Variants in CCDC62 observed in about 807,000 individuals in gnomAD.
CCDC62 encodes the protein coiled-coil domain-containing protein 62.
In CCDC62, 72 loss-of-function variants were observed where a neutral mutation model predicts 80.8. That is an observed-to-expected ratio of 0.89 (90% CI 0.74 to 1.08). The LOEUF is 1.08. Ranked by LOEUF, CCDC62 falls within the 50% of genes least tolerant of loss-of-function variation. The pLI is 0.00. For missense variants in CCDC62, 704 were observed against 809.4 expected, an observed-to-expected ratio of 0.87 and a Z score of 1.58; for synonymous variants, 286 against 296.5, an observed-to-expected ratio of 0.96 and a Z score of 0.36.
At chr12:122,812,750 AGG>A (rs2031957968) in intron 10 of CCDC62, among the ~76,000 whole-genome samples, 3 of 67,226 alleles carry the variant, frequency 4.5e-5, no homozygotes, top group Non-Finnish European at 8.4e-5. Flanking sequence ...AGAGAGAGAG[AGG>A]GAGGGAGAGA....
chr12:122,782,517 G>A (rs2029927634), intron 3 of CCDC62, among the ~76,000 whole-genome samples: 1 of 152,114 alleles, frequency 6.6e-6, no homozygotes, highest in Admixed American at 6.5e-5. Flanking sequence ...GAAGTGCAAT[G>A]GCACGATCTC....
At chr12:122,823,936 A>G (rs1593843580) in intron 12 of CCDC62, among the ~76,000 whole-genome samples, 1 of 152,124 alleles carries the variant, frequency 6.6e-6, no homozygotes, top group East Asian at 1.9e-4. Context: ...CAGTGAGCCA[A>G]GATGGCACCA....
intron 10 of CCDC62, among the ~76,000 whole-genome samples, chr12:122,810,995 G>A (rs1287569427): frequency 6.8e-6 from 1 of 146,122 alleles, no homozygotes; most frequent in Non-Finnish European, 1.5e-5. Flanking sequence ...ACAGGAAGGG[G>A]GACATCACAC....
Position 122,791,731 on chromosome 12 carries a change from G to A in CCDC62, c.671-289G>A, listed in dbSNP as rs112572599. On this transcript the variant is annotated intron_variant, in intron 5 of 12. Transcript: ENST00000253079. ...CCCAAAGTGCTGGGATTATAGGCGT[G>A]AGCCACTGCGCTGGGCAGATTTTGA... 1.6e-3 allele frequency among the ~76,000 whole-genome samples: 249 copies of A among 152,372 alleles called. 1 individual carries two copies. Among genetic ancestry groups the A allele is most frequent in the African/African-American group, 5.8e-3 (241 of 41,586 alleles).
At chr12:122,810,733 T>C (rs2031832705) in intron 10 of CCDC62, among the ~76,000 whole-genome samples, 1 of 152,142 alleles carries the variant, frequency 6.6e-6, no homozygotes, top group South Asian at 2.1e-4. Flanking sequence ...ATGTTTATTG[T>C]GGCACTATTC....
chr12:122,775,703 C>T (rs1024753168), intron 1 of CCDC62, among the ~76,000 whole-genome samples: 1 of 152,212 alleles, frequency 6.6e-6, no homozygotes, highest in Non-Finnish European at 1.5e-5. Flanking sequence ...GCCTCTGCTT[C>T]CCGAGTTCAA....
At chr12:122,799,254 G>A (rs1202365538) in intron 8 of CCDC62, among the ~76,000 whole-genome samples, 2 of 152,210 alleles carry the variant, frequency 1.3e-5, no homozygotes, top group East Asian at 3.9e-4. Context: ...TTGTGTAGAA[G>A]GCTTTGAGCT....
At chr12:122,778,298 G>A (rs1288214574) in intron 2 of CCDC62, among the ~76,000 whole-genome samples, 1 of 150,398 alleles carries the variant, frequency 6.6e-6, no homozygotes, top group African/African-American at 2.5e-5. Context: ...AGGTTGCAGT[G>A]AGCCAAGATT....
In CCDC62 at chr12:122,801,402, T is replaced by C; in HGVS notation, c.1256T>C (p.Ile419Thr). 6.2e-7 allele frequency: 1 copy of C among 1,614,116 alleles called. No homozygotes were observed. The highest frequency in any genetic ancestry group is 1.3e-5 in the African/African-American group (1 of 75,014). ...TGGTCTCTGGGAGGAAAAACCCAGA[T>C]TGAACCCGAAAACAAAATTACATTG... ...LPWSLGGKTQ[I>T]EPENKITLCK... Residue 419 changes from isoleucine to threonine, a missense_variant, in exon 9 of 13, where the codon ATT (isoleucine) becomes ACT (threonine). Coordinates refer to ENST00000253079, the MANE Select transcript of CCDC62 (RefSeq NM_201435.5).
intron 8 of CCDC62, among the ~76,000 whole-genome samples, chr12:122,800,332 G>C (rs1031831407): frequency 7.2e-5 from 11 of 151,816 alleles, no homozygotes; most frequent in Admixed American, 5.3e-4. Flanking sequence ...TGTAATTGCA[G>C]TGCTTTCGGA....
chr12:122,815,232 C>A (rs1369647578), intron 11 of CCDC62, among the ~76,000 whole-genome samples: 1 of 151,972 alleles, frequency 6.6e-6, no homozygotes, highest in African/African-American at 2.4e-5. Context: ...GTACACGAAA[C>A]CACACCCAGC....
chr12:122,785,588 ACT>A, intron 3 of CCDC62, 129 bp from the exon 4 acceptor site: 1 of 687,704 alleles, frequency 1.5e-6, no homozygotes, highest in Non-Finnish European at 2.6e-6. Flanking sequence ...TCCATTACCA[ACT>A]CTTTTTTGTT....
intron 3 of CCDC62, among the ~76,000 whole-genome samples, chr12:122,784,652 G>A (rs915490693): frequency 2.6e-5 from 4 of 152,160 alleles, no homozygotes; most frequent in South Asian, 4.1e-4. Context: ...GCAACATAGC[G>A]AGACCCTCTC....
intron 11 of CCDC62, among the ~76,000 whole-genome samples, chr12:122,823,151 G>C (rs969935388): frequency 2.6e-5 from 4 of 152,132 alleles, no homozygotes; most frequent in African/African-American, 7.2e-5. Flanking sequence ...GGTAGAGATG[G>C]GGTTTTGCCA....
At chr12:122,799,261 A>C (rs937055323) in intron 8 of CCDC62, among the ~76,000 whole-genome samples, 1 of 152,088 alleles carries the variant, frequency 6.6e-6, no homozygotes. Context: ...GAAGGCTTTG[A>C]GCTAGAATAG....
chr12:122,792,553 C>CT (rs1451324249), intron 6 of CCDC62, among the ~76,000 whole-genome samples: 1 of 152,030 alleles, frequency 6.6e-6, no homozygotes, highest in Non-Finnish European at 1.5e-5. Flanking sequence ...GAGTCTCACT[C>CT]TGTCGCCCAG....
intron 9 of CCDC62, 94 bp downstream of exon 9, chr12:122,801,946 T>C: frequency 7.6e-7 from 1 of 1,322,184 alleles, no homozygotes; most frequent in African/African-American, 1.5e-5. Flanking sequence ...TACCTACTAT[T>C]AATCCAAAAG....
Position 122,822,901 on chromosome 12 carries a change from G to A in CCDC62, c.2002-465G>A, listed in dbSNP as rs111359826. ...GCTGACAGGCACTTATGTTGCTTCC[G>A]CATCTTGGCTGCAGTGAACATGGAG... On this transcript the variant is annotated intron_variant, in intron 11 of 12. Coordinates refer to ENST00000253079, the MANE Select transcript of CCDC62 (RefSeq NM_201435.5). Among the ~76,000 whole-genome samples the A allele has an allele frequency of 3.9e-3, 586 of 152,112 alleles. 4 individuals carry two copies. The highest frequency in any genetic ancestry group is 6.6e-3 in the South Asian group (32 of 4,820).
chr12:122,815,127 G>A (rs936800134), intron 11 of CCDC62, among the ~76,000 whole-genome samples: 15 of 151,930 alleles, frequency 9.9e-5, no homozygotes, highest in African/African-American at 3.4e-4. Context: ...GTCTTGCTCT[G>A]TCACCCAGGC....
Sources: allele counts gnomAD v4.1 joint callset (sites outside exome capture counted in the v4.1 genomes callset), GRCh38; gene constraint gnomAD v4.1.1; transcripts MANE v1.5; gene names NCBI Gene and HGNC (gene_info 2026-07-23, HGNC 2026-07-21).